SAXO1: variants seen among roughly 807,000 people sequenced by gnomAD.
The protein encoded by SAXO1 is stabilizer of axonemal microtubules 1.
Under a neutral mutation model 17.5 loss-of-function variants are expected in SAXO1, and 21 were observed. The observed-to-expected ratio is 1.20, with a 90% CI of 0.85 to 1.72. The LOEUF (loss-of-function observed/expected upper bound fraction) is 1.72, where lower values mean the gene tolerates loss of function less well. SAXO1 is among the 40% of genes most tolerant of loss of function. The pLI is 0.00. For synonymous variants in SAXO1, 274 were observed against 216.5 expected (o/e 1.27, Z -2.33); for missense variants, 843 against 596.0 (o/e 1.41, Z -4.32).
intron 1 of SAXO1, among the ~76,000 whole-genome samples, chr9:18,998,622 A>G (rs1834112410): frequency 6.6e-6 from 1 of 152,196 alleles, no homozygotes; most frequent in Non-Finnish European, 1.5e-5. Context: ...GAACACCACA[A>G]AGATACTCCA....
intron 3 of SAXO1, among the ~76,000 whole-genome samples, chr9:18,938,817 C>CGTGTGT (rs1554667827): frequency 3.2e-5 from 2 of 63,322 alleles, no homozygotes; most frequent in African/African-American, 1.3e-4. Flanking sequence ...TGCATGCGTG[C>CGTGTGT]GTGCGTGTGT....
At chr9:19,031,376 C>T (rs1191335316) in intron 1 of SAXO1, among the ~76,000 whole-genome samples, 1 of 152,164 alleles carries the variant, frequency 6.6e-6, no homozygotes, top group East Asian at 1.9e-4. Context: ...GCCTGGACAA[C>T]ATGGTTGAAA....
intron 1 of SAXO1, among the ~76,000 whole-genome samples, chr9:19,013,331 G>A (rs530436362): frequency 7.9e-5 from 12 of 152,106 alleles, no homozygotes; most frequent in Non-Finnish European, 1.5e-4. Context: ...ATTTTGCAAC[G>A]CCAGTCCCTT....
chr9:18,976,973 A>G (rs1411096759), intron 1 of SAXO1, among the ~76,000 whole-genome samples: 2 of 152,226 alleles, frequency 1.3e-5, no homozygotes, highest in East Asian at 3.8e-4. Context: ...CACGGCTGTT[A>G]TCATCATCAT....
At chr9:18,939,286 G>C (rs537186064) in intron 3 of SAXO1, among the ~76,000 whole-genome samples, 2 of 152,310 alleles carry the variant, frequency 1.3e-5, no homozygotes, top group East Asian at 3.9e-4. Context: ...ATTCAGTAGA[G>C]GCAAAAGTGC....
At chr9:18,979,732 T>C (rs1684851733) in intron 1 of SAXO1, among the ~76,000 whole-genome samples, 1 of 152,158 alleles carries the variant, frequency 6.6e-6, no homozygotes, top group South Asian at 2.1e-4. Flanking sequence ...TCCCATCTAC[T>C]AGGGAGACAG....
At chr9:19,016,793 T>C (rs1177062987) in intron 1 of SAXO1, among the ~76,000 whole-genome samples, 1 of 147,416 alleles carries the variant, frequency 6.8e-6, no homozygotes, top group Non-Finnish European at 1.5e-5. Context: ...CTATCTAACA[T>C]CTGACTTTTT....
chr9:18,943,209 G>A (rs1434753266), intron 2 of SAXO1, among the ~76,000 whole-genome samples: 4 of 152,216 alleles, frequency 2.6e-5, no homozygotes, highest in Non-Finnish European at 5.9e-5. Flanking sequence ...GCTCTAAGGA[G>A]GAAATGGGAG....
intron 1 of SAXO1, among the ~76,000 whole-genome samples, chr9:19,022,073 T>C (rs112633274): frequency 2.0e-5 from 3 of 152,354 alleles, no homozygotes; most frequent in African/African-American, 7.2e-5. Flanking sequence ...CCGCACTATC[T>C]TTATGAGCTG....
chr9:18,932,710 G>T (rs1307820757), intron 3 of SAXO1, among the ~76,000 whole-genome samples: 1 of 152,086 alleles, frequency 6.6e-6, no homozygotes, highest in Admixed American at 6.5e-5. Flanking sequence ...ATTTCTCCCA[G>T]CAATCGTTGG....
chr9:18,964,979 G>T (rs998202274), intron 1 of SAXO1, among the ~76,000 whole-genome samples: 4 of 152,170 alleles, frequency 2.6e-5, no homozygotes, highest in African/African-American at 9.7e-5. Flanking sequence ...TGGTTTCAAA[G>T]AATTTATTTA....
chr9:19,012,549 G>C (rs1834792284), intron 1 of SAXO1, among the ~76,000 whole-genome samples: 1 of 152,180 alleles, frequency 6.6e-6, no homozygotes, highest in African/African-American at 2.4e-5. Context: ...AGAGTTAGAT[G>C]GGCAACTCTA....
upstream of SAXO1, among the ~76,000 whole-genome samples, chr9:19,033,776 G>C (rs1345796628): frequency 2.0e-5 from 3 of 152,222 alleles, no homozygotes; most frequent in African/African-American, 4.8e-5. Flanking sequence ...CACCTGGCTT[G>C]ATGAAAACCA....
At chr9:19,013,657 C>T (rs893616001) in intron 1 of SAXO1, among the ~76,000 whole-genome samples, 1 of 150,448 alleles carries the variant, frequency 6.6e-6, no homozygotes, top group African/African-American at 2.5e-5. Flanking sequence ...AGTGATTCTC[C>T]TGCCTCAGCT....
intron 1 of SAXO1, among the ~76,000 whole-genome samples, chr9:19,041,974 A>G (rs1836089364): frequency 6.6e-6 from 1 of 152,224 alleles, no homozygotes; most frequent in South Asian, 2.1e-4. Flanking sequence ...GCTTCTACAC[A>G]GCAATAGAAA....
At chr9:18,964,232 C>CT (rs1203959876) in intron 1 of SAXO1, among the ~76,000 whole-genome samples, 1 of 152,088 alleles carries the variant, frequency 6.6e-6, no homozygotes, top group Non-Finnish European at 1.5e-5. Flanking sequence ...CTGAAATTTT[C>CT]TTTTTTTGTT....
At chr9:18,984,069 T>C (rs1439370246) in intron 1 of SAXO1, among the ~76,000 whole-genome samples, 1 of 152,240 alleles carries the variant, frequency 6.6e-6, no homozygotes, top group East Asian at 1.9e-4. Context: ...AGCTCTTGGG[T>C]GACTAAGTGT....
intron 1 of SAXO1, chr9:19,027,876 T>C: frequency 5.1e-6 from 7 of 1,374,104 alleles, no homozygotes; most frequent in South Asian, 4.8e-5. Context: ...TAGGGCGGCC[T>C]GGACCGCAAG....
At chr9:18,979,845 T>C (rs987797871) in intron 1 of SAXO1, among the ~76,000 whole-genome samples, 45 of 152,178 alleles carry the variant, frequency 3.0e-4, no homozygotes, top group African/African-American at 1.0e-3. Context: ...CATTTTTCTT[T>C]TTTTAAAAAG....
Sources: gnomAD v4.1 joint callset for allele counts (sites outside exome capture counted in the v4.1 genomes callset) on GRCh38, gnomAD v4.1.1 for gene constraint, MANE v1.5 for transcripts, NCBI Gene and HGNC (gene_info 2026-07-23, HGNC 2026-07-21) for gene names.